The following DCC variants were observed in gnomAD, a reference collection of about 807,000 sequenced individuals.
DCC encodes the protein DCC netrin 1 receptor.
A neutral mutation model predicts 172.5 loss-of-function variants in DCC; 58 were observed. That is an observed-to-expected ratio of 0.34 (90% CI 0.27 to 0.42). DCC has a LOEUF of 0.42. Ranked by LOEUF, DCC falls within the 10% of genes least tolerant of loss-of-function variation. The pLI, the probability that DCC is intolerant of heterozygous loss-of-function variation, is 1.00. For missense variants in DCC, 1,740 were observed against 1,791.0 expected (o/e 0.97, Z 0.51); for synonymous variants, 709 against 644.5 (o/e 1.10, Z -1.52).
chr18:53,502,692 T>TTTAC (rs1394309088), intron 27 of DCC, among the ~76,000 whole-genome samples: 2 of 152,198 alleles, frequency 1.3e-5, no homozygotes, highest in African/African-American at 4.8e-5. Flanking sequence ...TGAATTTATC[T>TTTAC]TTACTTACCG....
rs1323884117 is a variant in DCC, at chr18:53,258,631, A to G, written c.1911+43034A>G. 2.6e-5 allele frequency among the ~76,000 whole-genome samples: 4 copies of G among 152,312 alleles called. No homozygotes were observed. The East Asian group carries it at 7.7e-4, about 29-fold the overall frequency. The stretch of plus-strand genomic sequence containing the variant: ...TTTGCTGAGGAGTTCTTTACTTCCA[A>G]CTATGTGGTCAGTTTTGGAATAGGT... On this transcript the variant is annotated intron_variant, in intron 12 of 28. Coordinates refer to ENST00000442544, the MANE Select transcript of DCC (RefSeq NM_005215.4).
At chr18:53,496,700 C>A (rs1422476320) in intron 26 of DCC, among the ~76,000 whole-genome samples, 1 of 152,156 alleles carries the variant, frequency 6.6e-6, no homozygotes, top group Non-Finnish European at 1.5e-5. Context: ...TGCAAGGAAG[C>A]TCTAACCCAA....
chr18:52,775,673 C>A (rs2037417654), intron 2 of DCC, among the ~76,000 whole-genome samples: 1 of 152,188 alleles, frequency 6.6e-6, no homozygotes, highest in African/African-American at 2.4e-5. Context: ...TGCTCTTCTG[C>A]CAGAGTGCTC....
At chr18:52,394,433 T>C (rs973155388) in intron 1 of DCC, among the ~76,000 whole-genome samples, 2 of 149,384 alleles carry the variant, frequency 1.3e-5, no homozygotes, top group Non-Finnish European at 3.0e-5. Context: ...ACCTGGCTAA[T>C]TTTTTAAAGT....
At chr18:53,414,265 C>T (rs1910166902) in intron 20 of DCC, among the ~76,000 whole-genome samples, 1 of 152,146 alleles carries the variant, frequency 6.6e-6, no homozygotes, top group African/African-American at 2.4e-5. Context: ...TGCAGCTCTA[C>T]TATGCAGCAT....
At chr18:53,043,989 A>T (rs746876068) in intron 5 of DCC, among the ~76,000 whole-genome samples, 2 of 151,874 alleles carry the variant, frequency 1.3e-5, no homozygotes, top group Non-Finnish European at 2.9e-5. Context: ...ATTTCCCTAG[A>T]TCTAATGGGT....
chr18:53,020,889 A>T (rs1429723929), intron 5 of DCC, among the ~76,000 whole-genome samples: 1 of 152,292 alleles, frequency 6.6e-6, no homozygotes, highest in Non-Finnish European at 1.5e-5. Flanking sequence ...TGGTAGTTCC[A>T]ATAGCTCATT....
chr18:53,072,751 G>A (rs1311413424), intron 7 of DCC, among the ~76,000 whole-genome samples: 2 of 152,088 alleles, frequency 1.3e-5, no homozygotes, highest in African/African-American at 4.8e-5. Flanking sequence ...GGTTTGCTTG[G>A]GCAAGATATA....
chr18:52,420,974 A>C (rs1987227861), intron 1 of DCC, among the ~76,000 whole-genome samples: 1 of 152,154 alleles, frequency 6.6e-6, no homozygotes, highest in East Asian at 1.9e-4. Context: ...CAGGATTGCA[A>C]GCCCAGAATT....
rs149494251 is a variant in DCC, at chr18:53,208,244, C to T, written c.1861+427C>T. On this transcript the variant is annotated intron_variant, in intron 11 of 28. Coordinates refer to ENST00000442544, the MANE Select transcript of DCC (RefSeq NM_005215.4). ...AAGCTGTGATCGTTCTACTGCACTC[C>T]AGCCTGGGCAACAGAGTAAGACCCT... Among the ~76,000 whole-genome samples the T allele has an allele frequency of 9.1e-4, 138 of 151,716 alleles. 1 individual carries two copies. The highest frequency in any genetic ancestry group is 1.7e-3 in the Non-Finnish European group (115 of 67,952).
chr18:53,395,824 A>G (rs62099981), intron 17 of DCC, among the ~76,000 whole-genome samples: 64,584 of 151,920 alleles, frequency 0.43, 15,488 homozygotes, highest in Non-Finnish European at 0.55. Flanking sequence ...TGTATTTTTA[A>G]TAGAGATGGG....
intron 1 of DCC, among the ~76,000 whole-genome samples, chr18:52,453,992 C>T (rs1309838607): frequency 6.6e-6 from 1 of 152,176 alleles, no homozygotes; most frequent in African/African-American, 2.4e-5. Flanking sequence ...AGGAAACGAC[C>T]TCATCATCCA....
chr18:52,829,943 G>A (rs2038583561), intron 2 of DCC, among the ~76,000 whole-genome samples: 1 of 152,134 alleles, frequency 6.6e-6, no homozygotes, highest in Non-Finnish European at 1.5e-5. Context: ...GGTCAGGGAA[G>A]CACCCACTGA....
Position 52,978,145 on chromosome 18 carries a change from A to G in DCC, c.985+52775A>G, listed in dbSNP as rs147055836. ...AAGTGCTTCCGAGTTTATCTTAATG[A>G]TGATGGTTTTGCCATTGAAAAAGTA... is the stretch of plus-strand genomic sequence containing the variant. On this transcript the variant is annotated intron_variant, in intron 5 of 28. Transcript: ENST00000442544. Among the ~76,000 whole-genome samples, 781 of 152,184 alleles carry G rather than the reference A, an allele frequency of 5.1e-3. 7 individuals are homozygous for G. Among genetic ancestry groups the G allele is most frequent in the African/African-American group, 0.018 (748 of 41,522 alleles).
chr18:52,362,316 G>A (rs1984652964), intron 1 of DCC, among the ~76,000 whole-genome samples: 1 of 152,188 alleles, frequency 6.6e-6, no homozygotes. Flanking sequence ...CCCCCACTTG[G>A]AGCTGGGAAG....
At chr18:52,587,136 C>G (rs944546581) in intron 1 of DCC, among the ~76,000 whole-genome samples, 1 of 152,220 alleles carries the variant, frequency 6.6e-6, no homozygotes, top group South Asian at 2.1e-4. Flanking sequence ...ATATAATCAA[C>G]TTAACACCAG....
chr18:52,588,253 C>T (rs1184315815), intron 1 of DCC, among the ~76,000 whole-genome samples: 1 of 152,196 alleles, frequency 6.6e-6, no homozygotes, highest in Non-Finnish European at 1.5e-5. Flanking sequence ...AACAGAATTC[C>T]TACTACCACT....
rs1273613913 is a variant in DCC at position 52,752,167 on chromosome 18, G to A, written c.205G>A (p.Val69Ile). The A allele has an allele frequency of 3.7e-6, 6 of 1,614,044 alleles. No individual in the cohort carries two copies. ...LDCSAESDRG[V>I]PVIKWKKDGI... Reference sequence around the variant, plus strand: ...CTGCTCCGCGGAGTCCGACCGAGGAGTTCCAGTGATCAAGTGGAAGAAAGA... The same window carrying A: ...CTGCTCCGCGGAGTCCGACCGAGGAATTCCAGTGATCAAGTGGAAGAAAGA... Residue 69 changes from valine (V) to isoleucine (I), a missense_variant, in exon 2 of 29, where the codon GTT (valine) becomes ATT (isoleucine). Val to Ile is a conservative substitution (Grantham distance 29). This residue lies in a region of DCC where 1,732 missense variants were observed against 1,767.4 expected (regional missense o/e 0.98). Transcript: ENST00000442544.
At chr18:53,240,236 A>G (rs1307732790) in intron 12 of DCC, among the ~76,000 whole-genome samples, 1 of 152,066 alleles carries the variant, frequency 6.6e-6, no homozygotes, top group Non-Finnish European at 1.5e-5. Flanking sequence ...ACTTATAGAC[A>G]TGCTCATATT....
Sources: gnomAD v4.1 joint callset for allele counts (sites outside exome capture counted in the v4.1 genomes callset) on GRCh38, gnomAD v4.1.1 for gene constraint, gnomAD v4.1.1 regional missense constraint, MANE v1.5 for transcripts, NCBI Gene and HGNC (gene_info 2026-07-23, HGNC 2026-07-21) for gene names.